Variants in KCNMB2 observed in about 807,000 individuals in gnomAD.
KCNMB2 encodes the protein calcium-activated potassium channel subunit beta-2.
Under a neutral mutation model 24.5 loss-of-function variants are expected in KCNMB2, and 9 were observed. The observed-to-expected ratio is 0.37, with a 90% confidence interval of 0.22 to 0.64. The LOEUF (loss-of-function observed/expected upper bound fraction) is 0.64. Among genes scored for constraint, KCNMB2 ranks in the 30% least tolerant of loss-of-function variants. The pLI, the probability that KCNMB2 is intolerant of heterozygous loss-of-function variation, is 0.63. For missense variants in KCNMB2, 226 were observed against 284.3 expected (o/e 0.79, Z 1.47); for synonymous variants, 109 against 104.4 (o/e 1.04, Z -0.27).
intron 1 of KCNMB2, among the ~76,000 whole-genome samples, chr3:178,720,779 CT>C (rs1405625068): frequency 5.5e-5 from 8 of 144,450 alleles, no homozygotes; most frequent in Non-Finnish European, 4.5e-5. Context: ...TAAATGTCTT[CT>C]TTTGAGAAGT....
chr3:178,616,384 G>T (rs1343750438), intron 1 of KCNMB2, among the ~76,000 whole-genome samples: 2 of 152,204 alleles, frequency 1.3e-5, no homozygotes, highest in Non-Finnish European at 2.9e-5. Flanking sequence ...GCTAGGGCTG[G>T]TTTAAACACT....
intron 1 of KCNMB2, among the ~76,000 whole-genome samples, chr3:178,605,216 T>G (rs1311079213): frequency 1.3e-5 from 2 of 152,114 alleles, no homozygotes; most frequent in East Asian, 3.9e-4. Flanking sequence ...ATAAAAGAGC[T>G]CTGAAGAGCT....
intron 4 of KCNMB2, among the ~76,000 whole-genome samples, chr3:178,828,658 C>T (rs1714935133): frequency 6.6e-6 from 1 of 152,090 alleles, no homozygotes; most frequent in Non-Finnish European, 1.5e-5. Flanking sequence ...TAGACTGAGT[C>T]TTTCAAAGCA....
intron 1 of KCNMB2, among the ~76,000 whole-genome samples, chr3:178,785,812 C>T (rs1453142158): frequency 6.6e-6 from 1 of 152,054 alleles, no homozygotes; most frequent in Non-Finnish European, 1.5e-5. Context: ...TATAAAAAAG[C>T]ATATTCATTT....
intron 1 of KCNMB2, among the ~76,000 whole-genome samples, chr3:178,797,895 C>A (rs1234096549): frequency 6.6e-6 from 1 of 152,036 alleles, no homozygotes; most frequent in Non-Finnish European, 1.5e-5. Flanking sequence ...CACTTTGTAG[C>A]AAGTGTGAAT....
At chr3:178,759,331 A>G in intron 1 of KCNMB2, among the ~76,000 whole-genome samples, 1 of 80,254 alleles carries the variant, frequency 1.2e-5, no homozygotes, top group South Asian at 3.6e-4. Context: ...ATATATATAT[A>G]TATCTCCAAG....
chr3:178,765,390 T>G (rs1308629062), intron 1 of KCNMB2, among the ~76,000 whole-genome samples: 4 of 152,252 alleles, frequency 2.6e-5, no homozygotes, highest in Non-Finnish European at 5.9e-5. Context: ...TTTTCTGTTT[T>G]ATAAAATAAA....
intron 1 of KCNMB2, among the ~76,000 whole-genome samples, chr3:178,596,474 T>C (rs1459402022): frequency 1.3e-5 from 2 of 152,220 alleles, no homozygotes; most frequent in East Asian, 3.9e-4. Context: ...ATGAACTCAA[T>C]GAACATATAA....
intron 1 of KCNMB2, among the ~76,000 whole-genome samples, chr3:178,747,329 C>G (rs1437964259): frequency 2.6e-5 from 4 of 152,132 alleles, no homozygotes; most frequent in Non-Finnish European, 5.9e-5. Flanking sequence ...AGACATGCAC[C>G]CATGACTCAA....
chr3:178,668,784 C>T (rs773714323), intron 1 of KCNMB2, among the ~76,000 whole-genome samples: 42 of 152,124 alleles, frequency 2.8e-4, no homozygotes, highest in Non-Finnish European at 5.7e-4. Flanking sequence ...TGACTTACTG[C>T]AATTGTCCAT....
chr3:178,608,812 C>T (rs1718372203), intron 1 of KCNMB2, among the ~76,000 whole-genome samples: 1 of 152,140 alleles, frequency 6.6e-6, no homozygotes, highest in Non-Finnish European at 1.5e-5. Flanking sequence ...CTACAAATGA[C>T]TGTATCGCAT....
chr3:178,699,436 C>T (rs1264365838), intron 1 of KCNMB2, among the ~76,000 whole-genome samples: 1 of 152,168 alleles, frequency 6.6e-6, no homozygotes, highest in African/African-American at 2.4e-5. Context: ...TTGATGTGGG[C>T]TTGGGGAAAG....
chr3:178,707,295 A>G (rs1362725128), intron 1 of KCNMB2, among the ~76,000 whole-genome samples: 1 of 152,158 alleles, frequency 6.6e-6, no homozygotes, highest in African/African-American at 2.4e-5. Flanking sequence ...AGTAGCTCTC[A>G]GAGTTGTTGG....
At chr3:178,659,269 C>T (rs569774192) in intron 1 of KCNMB2, among the ~76,000 whole-genome samples, 1 of 152,358 alleles carries the variant, frequency 6.6e-6, no homozygotes. Flanking sequence ...GAATGTTCTG[C>T]ATCCTCAGGT....
chr3:178,699,092 G>T (rs188444065), intron 1 of KCNMB2, among the ~76,000 whole-genome samples: 1 of 152,224 alleles, frequency 6.6e-6, no homozygotes. Context: ...CAACCAGGGG[G>T]TACAGAGGGC....
Position 178,569,579 on chromosome 3 carries a change from C to T in KCNMB2, c.-68+32868C>T, listed in dbSNP as rs191390062. ...AGTACTGTAGTCAGTTGTTTACAAC[C>T]GCCGGACTGCCTCAGGATTTAAACA... On this transcript the variant is annotated intron_variant, in intron 1 of 4. Coordinates refer to ENST00000452583, the MANE Select transcript of KCNMB2 (RefSeq NM_181361.3). Among the ~76,000 whole-genome samples, 198 of 152,234 alleles carry T rather than the reference C, an allele frequency of 1.3e-3. 2 individuals are homozygous for T. The highest frequency in any genetic ancestry group is 8.8e-5 in the Non-Finnish European group (6 of 68,012).
At chr3:178,662,055 T>C (rs1720551854) in intron 1 of KCNMB2, among the ~76,000 whole-genome samples, 1 of 152,196 alleles carries the variant, frequency 6.6e-6, no homozygotes, top group African/African-American at 2.4e-5. Flanking sequence ...TCAGAAATGG[T>C]ATGACTAAGG....
Position 178,564,209 on chromosome 3 carries a change from C to T in KCNMB2, c.-68+27498C>T, listed in dbSNP as rs139251222. On this transcript the variant is annotated intron_variant, in intron 1 of 4. Coordinates refer to ENST00000452583, the MANE Select transcript of KCNMB2 (RefSeq NM_181361.3). ...AGGAGAATCGCTTCAACCCGGGAGG[C>T]GGAGGTTGCAGTGAGTCGAGGTCGT... Among the ~76,000 whole-genome samples, 1,089 of 151,702 alleles carry T rather than the reference C, an allele frequency of 7.2e-3. 15 individuals carry two copies. Among genetic ancestry groups the T allele is most frequent in the African/African-American group, 0.025 (1,046 of 41,328 alleles).
chr3:178,751,335 C>T (rs1469770627), intron 1 of KCNMB2, among the ~76,000 whole-genome samples: 6 of 151,976 alleles, frequency 3.9e-5, no homozygotes, highest in Admixed American at 6.6e-5. Flanking sequence ...AATCTCAGCA[C>T]TTTGAGAGGC....
Sources: allele counts gnomAD v4.1 joint callset (sites outside exome capture counted in the v4.1 genomes callset), GRCh38; gene constraint gnomAD v4.1.1; transcripts MANE v1.5; gene names NCBI Gene and HGNC (gene_info 2026-07-23, HGNC 2026-07-21).